Variants in TJP1 observed in about 807,000 individuals in gnomAD.
TJP1 encodes tight junction protein ZO-1.
In TJP1, 43 loss-of-function variants were observed where a neutral mutation model predicts 194.2. That is an observed-to-expected ratio of 0.22 (90% CI 0.17 to 0.29). The LOEUF (loss-of-function observed/expected upper bound fraction) is 0.29, where lower values mean the gene tolerates loss of function less well. TJP1 is among the 10% of genes least tolerant of loss of function. TJP1 has a pLI of 1.00. For missense variants in TJP1, 1,971 were observed against 2,185.7 expected (o/e 0.90, Z 1.96); for synonymous variants, 801 against 779.0 (o/e 1.03, Z -0.47).
At position 29,878,050 on chromosome 15, in the gene TJP1, T is replaced by TGTTG. The variant is rs2052775026; in HGVS notation, c.307-77349_307-77348insCAAC. ...TTTTCCCAAAAGTATAGTTTTTGTTTGTTTGTTTGTTTGTTTTTTGAGACG... is the reference window on the plus strand; with the variant it reads ...TTTTCCCAAAAGTATAGTTTTTGTTTGTTGGTTTGTTTGTTTGTTTTTTGAGACG... On this transcript the variant is annotated intron_variant, in intron 2 of 28. Coordinates refer to the TJP1 transcript ENST00000356107. Among the ~76,000 whole-genome samples the TGTTG allele has an allele frequency of 2.0e-5, 3 of 151,770 alleles. No individual in the cohort carries two copies. The South Asian group carries it at 6.3e-4, about 32-fold the overall frequency.
At chr15:29,730,548 G>T (rs1211341258) in intron 15 of TJP1, among the ~76,000 whole-genome samples, 7 of 151,608 alleles carry the variant, frequency 4.6e-5, no homozygotes, top group Admixed American at 4.6e-4. Flanking sequence ...AGTGAGCAAT[G>T]ATCTAACCAC....
rs2042667143 is a variant in TJP1, at chr15:29,717,941, C to A, written c.3974+80G>T. The A allele has an allele frequency of 2.5e-6, 3 of 1,214,146 alleles. No homozygotes were observed. The East Asian group carries it at 7.0e-5, about 28-fold the overall frequency. The allele number at this position is 1,214,146 out of a possible 1,614,324, so 75.2% of individuals were successfully genotyped here. The stretch of plus-strand genomic sequence containing the variant: ...TATTCACACCTCTCCTCTACTAACA[C>A]AGTAAAAGGTTTTCTTATTGACTAA... On this transcript the variant is annotated intron_variant, in intron 22 of 27. Coordinates refer to ENST00000614355, the MANE Select transcript of TJP1 (RefSeq NM_001330239.4).
rs1259785938 is a variant in TJP1, at chr15:29,701,165, A to C, written c.*430T>G. On this transcript the variant is annotated 3_prime_UTR_variant, in exon 28 of 28. Transcript: ENST00000614355. ...CCAGGTGCATTTAAAAAATGTGTGC[A>C]TATTACTTCATGCATAATAAAATAA... 5 of 159,740 alleles carry C rather than the reference A, an allele frequency of 3.1e-5. No individual in the cohort carries two copies. Among genetic ancestry groups the C allele is most frequent in the African/African-American group, 1.2e-4 (5 of 41,720 alleles). The allele number at this position is 159,740 out of a possible 1,614,324, so 9.9% of individuals were successfully genotyped here. A position where few individuals can be genotyped will look rare whatever the true frequency, so the allele number is the denominator to read the frequency against.
At chr15:29,721,573 G>A (rs1438952936) in intron 18 of TJP1, among the ~76,000 whole-genome samples, 1 of 152,144 alleles carries the variant, frequency 6.6e-6, no homozygotes, top group Non-Finnish European at 1.5e-5. Context: ...GACTAATACA[G>A]TAAATTGGTA....
chr15:29,788,192 T>C (rs934623083), intron 2 of TJP1, among the ~76,000 whole-genome samples: 1 of 152,214 alleles, frequency 6.6e-6, no homozygotes, highest in African/African-American at 2.4e-5. Flanking sequence ...AAGTTCTTTA[T>C]ATATTCTAGA....
chr15:29,773,517 G>C (rs562121921), intron 2 of TJP1, among the ~76,000 whole-genome samples, 160 bp from the exon 3 acceptor site: 77 of 152,234 alleles, frequency 5.1e-4, no homozygotes, highest in Middle Eastern at 6.8e-3. Flanking sequence ...AATTATCCTT[G>C]TACAAGAATG....
chr15:29,743,350 T>C (rs1398214719), intron 8 of TJP1, among the ~76,000 whole-genome samples: 3 of 152,230 alleles, frequency 2.0e-5, no homozygotes, highest in African/African-American at 4.8e-5. Context: ...AACAGCTCGA[T>C]GTTAACTATT....
intron 2 of TJP1, among the ~76,000 whole-genome samples, chr15:29,850,151 C>T (rs781268739): frequency 1.3e-5 from 2 of 152,120 alleles, no homozygotes; most frequent in East Asian, 3.9e-4. Context: ...ACACCTTATA[C>T]AAAAATTAAC....
At chr15:29,892,051 C>G (rs907267434) in intron 2 of TJP1, among the ~76,000 whole-genome samples, 1 of 152,150 alleles carries the variant, frequency 6.6e-6, no homozygotes, top group Non-Finnish European at 1.5e-5. Flanking sequence ...GCTATGAATG[C>G]AAAGGAAAAG....
rs75453688 is a variant in TJP1, at chr15:29,734,173, A to C, written c.1516+101T>G. On this transcript the variant is annotated intron_variant, in intron 12 of 27. Coordinates refer to ENST00000614355, the MANE Select transcript of TJP1 (RefSeq NM_001330239.4). ...TTTGAGATTAACAAATTCATTCATC[A>C]CTCAACTATGAGTGACTTATTTTTT... The C allele has an allele frequency of 8.9e-5, 66 of 739,216 alleles. 1 individual carries two copies. In the East Asian group the frequency reaches 1.8e-3, roughly 20 times the overall value. 45.8% of individuals were successfully genotyped at this position (739,216 alleles called of 1,614,324 possible). A position where few individuals can be genotyped will look rare whatever the true frequency, so the allele number is the denominator to read the frequency against.
At chr15:29,956,384 T>C in intron 1 of TJP1, 1 of 1,283,006 alleles carries the variant, frequency 7.8e-7, no homozygotes, top group Non-Finnish European at 1.0e-6. Context: ...AGAAAAAAAT[T>C]CTTAAAAAGG....
At chr15:29,937,220 TC>T (rs2054915419) in intron 2 of TJP1, among the ~76,000 whole-genome samples, 1 of 152,140 alleles carries the variant, frequency 6.6e-6, no homozygotes, top group South Asian at 2.1e-4. Flanking sequence ...AACCATTCAA[TC>T]AGGCAAAAAC....
intron 2 of TJP1, among the ~76,000 whole-genome samples, chr15:29,887,091 C>A (rs1336923445): frequency 6.6e-6 from 1 of 151,740 alleles, no homozygotes; most frequent in African/African-American, 2.4e-5. Flanking sequence ...TCAGAAGATG[C>A]CACAAATCCA....
At chr15:29,705,487 CTTAAG>C (rs767378290) in intron 26 of TJP1, 36 bp downstream of exon 26, 3 of 1,600,226 alleles carry the variant, frequency 1.9e-6, no homozygotes, top group South Asian at 1.1e-5. Context: ...CAGGGCAACT[CTTAAG>C]TTATCAAAAC....
intron 4 of TJP1, among the ~76,000 whole-genome samples, chr15:29,769,120 G>A (rs1225908954): frequency 1.3e-5 from 2 of 152,130 alleles, no homozygotes; most frequent in Admixed American, 1.3e-4. Context: ...AACAACACAT[G>A]AGGTATGTAT....
chr15:29,878,996 G>A (rs1241358579), intron 2 of TJP1, among the ~76,000 whole-genome samples: 2 of 151,874 alleles, frequency 1.3e-5, no homozygotes, highest in Admixed American at 6.6e-5. Flanking sequence ...TGTGGCACGC[G>A]CCTGTAGTCC....
intron 2 of TJP1, among the ~76,000 whole-genome samples, chr15:29,938,407 T>C (rs1435693793): frequency 7.1e-6 from 1 of 141,780 alleles, no homozygotes; most frequent in Non-Finnish European, 1.6e-5. Flanking sequence ...AACATGAAAA[T>C]GATATCAAAG....
At chr15:29,882,564 C>A (rs1383022719) in intron 2 of TJP1, among the ~76,000 whole-genome samples, 1 of 152,108 alleles carries the variant, frequency 6.6e-6, no homozygotes. Context: ...AGTATGGGGA[C>A]AAAATTCAGT....
intron 11 of TJP1, among the ~76,000 whole-genome samples, chr15:29,735,381 G>C (rs2043957203): frequency 6.6e-6 from 1 of 151,986 alleles, no homozygotes; most frequent in Non-Finnish European, 1.5e-5. Flanking sequence ...TTGAACCCAG[G>C]AATTTGAGAC....
Sources: gnomAD v4.1 joint callset for allele counts (sites outside exome capture counted in the v4.1 genomes callset) on GRCh38, gnomAD v4.1.1 for gene constraint, MANE v1.5 for transcripts, NCBI Gene and HGNC (gene_info 2026-07-23, HGNC 2026-07-21) for gene names.